Variants in FOXP2 observed in about 807,000 individuals in gnomAD.
FOXP2 encodes the protein forkhead box protein P2.
A neutral mutation model predicts 115.8 loss-of-function variants in FOXP2; 12 were observed. The observed-to-expected ratio is 0.10, with a 90% confidence interval of 0.07 to 0.17. The LOEUF (loss-of-function observed/expected upper bound fraction) is 0.17. Ranked by LOEUF, FOXP2 falls within the 10% of genes least tolerant of loss-of-function variation. The probability of loss-of-function intolerance (pLI) is 1.00; values close to 1 mark genes in which losing one functional copy is unlikely to be tolerated. For synonymous variants in FOXP2, 328 were observed against 297.7 expected (o/e 1.10, Z -1.05); for missense variants, 629 against 843.5 (o/e 0.75, Z 3.15).
intron 2 of FOXP2, among the ~76,000 whole-genome samples, chr7:114,370,807 G>A (rs1443152561): frequency 6.6e-6 from 1 of 152,060 alleles, no homozygotes; most frequent in Admixed American, 6.6e-5. Context: ...TTGTACTTGT[G>A]ACCAGTAGTA....
At chr7:114,570,743 G>T (rs1037667558) in intron 3 of FOXP2, 1 of 1,187,888 alleles carries the variant, frequency 8.4e-7, no homozygotes, top group Non-Finnish European at 1.3e-6. Flanking sequence ...GATAATGTAC[G>T]TTATTAGCAC....
chr7:114,298,096 C>T (rs1208026898), intron 2 of FOXP2, among the ~76,000 whole-genome samples: 3 of 152,050 alleles, frequency 2.0e-5, no homozygotes, highest in Non-Finnish European at 4.4e-5. Flanking sequence ...CTCAGGAAAT[C>T]GTGTGTCAGG....
intron 1 of FOXP2, among the ~76,000 whole-genome samples, chr7:114,226,899 G>A (rs1223386907): frequency 1.3e-5 from 2 of 151,834 alleles, no homozygotes; most frequent in Admixed American, 1.3e-4. Flanking sequence ...ACTTATTTTT[G>A]TATTAAGCTG....
intron 3 of FOXP2, among the ~76,000 whole-genome samples, chr7:114,554,870 G>A (rs1030723184): frequency 2.6e-5 from 4 of 151,866 alleles, no homozygotes; most frequent in Admixed American, 6.6e-5. Context: ...GTTCATCCAC[G>A]TATCTGTATG....
At chr7:114,237,208 G>A (rs1257747955) in intron 1 of FOXP2, among the ~76,000 whole-genome samples, 1 of 152,128 alleles carries the variant, frequency 6.6e-6, no homozygotes, top group Non-Finnish European at 1.5e-5. Context: ...GAGTATGAGT[G>A]ATGTTTCCAG....
intron 1 of FOXP2, among the ~76,000 whole-genome samples, chr7:114,262,019 T>C (rs907662940): frequency 1.3e-5 from 2 of 152,056 alleles, no homozygotes; most frequent in African/African-American, 4.8e-5. Context: ...GATCACGCCA[T>C]TGTACTCCAG....
At chr7:114,154,243 C>T (rs1406281141) in intron 1 of FOXP2, among the ~76,000 whole-genome samples, 1 of 152,034 alleles carries the variant, frequency 6.6e-6, no homozygotes, top group Non-Finnish European at 1.5e-5. Context: ...AGACTATGAA[C>T]TGAAGGTAAT....
chr7:114,623,502 C>CTTGA (rs1804363028), intron 3 of FOXP2, among the ~76,000 whole-genome samples: 2 of 151,916 alleles, frequency 1.3e-5, no homozygotes, highest in African/African-American at 2.4e-5. Context: ...ATCTGAGCAG[C>CTTGA]TTGATTAGAC....
chr7:114,372,053 C>T (rs538969070), intron 2 of FOXP2, among the ~76,000 whole-genome samples: 1 of 152,210 alleles, frequency 6.6e-6, no homozygotes, highest in East Asian at 1.9e-4. Context: ...TTATTATCTC[C>T]TTTCATCTTC....
chr7:114,215,331 G>A (rs1206536022), intron 1 of FOXP2, among the ~76,000 whole-genome samples: 1 of 151,978 alleles, frequency 6.6e-6, no homozygotes, highest in Non-Finnish European at 1.5e-5. Context: ...AAATTTGTTT[G>A]CAATCATTAA....
intron 3 of FOXP2, among the ~76,000 whole-genome samples, chr7:114,600,967 T>G (rs1017963467): frequency 6.6e-5 from 10 of 151,902 alleles, no homozygotes; most frequent in African/African-American, 2.4e-4. Flanking sequence ...TCTTTTTTTT[T>G]TTTTTTAATT....
At chr7:114,486,910 T>G (rs973844313) in intron 2 of FOXP2, among the ~76,000 whole-genome samples, 7 of 152,296 alleles carry the variant, frequency 4.6e-5, no homozygotes, top group Admixed American at 1.3e-4. Flanking sequence ...CTGGCTGCTT[T>G]CACAGACTGG....
At chr7:114,435,704 A>G (rs1784970950) in intron 2 of FOXP2, among the ~76,000 whole-genome samples, 1 of 151,994 alleles carries the variant, frequency 6.6e-6, no homozygotes, top group African/African-American at 2.4e-5. Context: ...TACCCGGCTA[A>G]TTTTTTGTAT....
At chr7:114,210,529 T>C (rs1036693826) in intron 1 of FOXP2, among the ~76,000 whole-genome samples, 2 of 152,112 alleles carry the variant, frequency 1.3e-5, no homozygotes, top group African/African-American at 4.8e-5. Flanking sequence ...CTGGAAGCTG[T>C]ATGTCCCAGG....
rs975419977 is a variant in FOXP2 at position 114,690,635 on chromosome 7, G to A, written c.*709G>A. On this transcript the variant is annotated 3_prime_UTR_variant, in exon 17 of 17. Coordinates refer to ENST00000350908, the MANE Select transcript of FOXP2 (RefSeq NM_014491.4). ...GCAATCCTAAGCTAACATTATCTGT[G>A]CAAGCACCATAGAAACATTTGCATA... 12 of 454,060 alleles carry A rather than the reference G, an allele frequency of 2.6e-5. No homozygotes were observed. Among genetic ancestry groups the A allele is most frequent in the Middle Eastern group, 1.4e-3 (2 of 1,466 alleles). 28.1% of individuals were successfully genotyped at this position (454,060 alleles called of 1,614,324 possible).
intron 3 of FOXP2, among the ~76,000 whole-genome samples, chr7:114,551,454 GT>G (rs1314174414): frequency 6.6e-6 from 1 of 152,090 alleles, no homozygotes; most frequent in East Asian, 1.9e-4. Flanking sequence ...AATAAATTGG[GT>G]TTCTCTTTTT....
In FOXP2 at chr7:114,441,605, C is replaced by A. The variant is rs180740812; in HGVS notation, c.168+14926C>A. ...TTGGAATATATTCTATTCAAATAAG[C>A]AATTTCTCTAAAATTTGTGATAATA... On this transcript the variant is annotated intron_variant, in intron 2 of 16. Coordinates refer to ENST00000350908, the MANE Select transcript of FOXP2 (RefSeq NM_014491.4). Among the ~76,000 whole-genome samples the A allele has an allele frequency of 3.5e-3, 532 of 152,206 alleles. 3 individuals carry two copies. Among genetic ancestry groups the A allele is most frequent in the Middle Eastern group, 0.01 (3 of 294 alleles).
At chr7:114,347,253 C>T (rs1791369303) in intron 2 of FOXP2, among the ~76,000 whole-genome samples, 1 of 151,690 alleles carries the variant, frequency 6.6e-6, no homozygotes, top group African/African-American at 2.4e-5. Context: ...CAGGGGCTTC[C>T]TTTGAAGGAT....
rs141897192 is a variant in FOXP2 at position 114,618,853 on chromosome 7, A to G, written c.259-9687A>G. On this transcript the variant is annotated intron_variant, in intron 3 of 16. Transcript: ENST00000350908. ...TGAGGCAATTTATTACATAGAATTA[A>G]GTCTCTTGAAGGGGAAGTTCATCTG... Among the ~76,000 whole-genome samples the G allele has an allele frequency of 5.8e-3, 880 of 152,256 alleles. 7 individuals carry two copies. The highest frequency in any genetic ancestry group is 0.02 in the African/African-American group (816 of 41,564).
Sources: gnomAD v4.1 joint callset for allele counts (sites outside exome capture counted in the v4.1 genomes callset) on GRCh38, gnomAD v4.1.1 for gene constraint, MANE v1.5 for transcripts, NCBI Gene and HGNC (gene_info 2026-07-23, HGNC 2026-07-21) for gene names.